The following CFAP418 variants were observed in gnomAD, a reference collection of about 807,000 sequenced individuals.
CFAP418 encodes cilia and flagella associated protein 418.
A neutral mutation model predicts 24.7 loss-of-function variants in CFAP418; 27 were observed. The ratio of observed to expected loss-of-function variants is 1.09; its 90% CI spans 0.81 to 1.51. The LOEUF (loss-of-function observed/expected upper bound fraction) is 1.51. Among genes scored for constraint, CFAP418 ranks in the 40% most tolerant of loss-of-function variants. The pLI, the probability that CFAP418 is intolerant of heterozygous loss-of-function variation, is 0.00. For synonymous variants in CFAP418, 74 were observed against 87.3 expected, an observed-to-expected ratio of 0.85 and a Z score of 0.85; for missense variants, 257 against 255.2, an observed-to-expected ratio of 1.01 and a Z score of -0.05.
chr8:95,263,596 A>T (rs1811926802), intron 2 of CFAP418, 91 bp downstream of exon 2: 2 of 715,280 alleles, frequency 2.8e-6, no homozygotes, highest in East Asian at 2.5e-5. Context: ...TCAAAAGATA[A>T]TGGGTAGCTA....
chr8:95,253,605 T>A (rs1811742484), intron 4 of CFAP418, among the ~76,000 whole-genome samples: 1 of 152,238 alleles, frequency 6.6e-6, no homozygotes, highest in Non-Finnish European at 1.5e-5. Context: ...TTTCTAAAAA[T>A]ACTATTAACC....
intron 1 of CFAP418, among the ~76,000 whole-genome samples, chr8:95,266,999 G>C (rs1563475426): frequency 6.6e-6 from 1 of 152,126 alleles, no homozygotes; most frequent in Non-Finnish European, 1.5e-5. Flanking sequence ...TGATAGACTA[G>C]TTCTATCCCC....
chr8:95,252,183 CA>C lies in CFAP418; in HGVS notation c.470+4del. The C allele has an allele frequency of 6.2e-7, 1 of 1,602,196 alleles. No individual in the cohort carries two copies. Among genetic ancestry groups the C allele is most frequent in the East Asian group, 2.2e-5 (1 of 44,780 alleles). On this transcript the variant is annotated splice_donor_region_variant and intron_variant, in intron 5 of 5. Coordinates refer to ENST00000286688, the MANE Select transcript of CFAP418 (RefSeq NM_177965.4). The stretch of plus-strand genomic sequence containing the variant: ...TTTTCAGAGTGAAGTTCTTTAGCAA[CA>C]TACCTGAAAAACAGATAATCACACG...
At chr8:95,263,603 G>T in intron 2 of CFAP418, 84 bp downstream of exon 2, 1 of 766,624 alleles carries the variant, frequency 1.3e-6, no homozygotes, top group Non-Finnish European at 2.2e-6. Flanking sequence ...ATAATGGGTA[G>T]CTACTTGTGT....
chr8:95,268,447 C>A lies in CFAP418; in HGVS notation c.155+588G>T, dbSNP rs547331615. Among the ~76,000 whole-genome samples, 4 of 152,140 alleles carry A rather than the reference C, an allele frequency of 2.6e-5. No individual in the cohort carries two copies. In the South Asian group the frequency reaches 8.3e-4, roughly 32 times the overall value. ...CTACGATCGTGCCACTGCACTCCAA[C>A]CTGGGCGACAGAGCGAGACTCCATC... On this transcript the variant is annotated intron_variant, in intron 1 of 5. Transcript: ENST00000286688.
At position 95,247,496 on chromosome 8, in the gene CFAP418, A is replaced by G. The variant is rs138046408; in HGVS notation, c.*121T>C. The G allele has an allele frequency of 5.6e-5, 65 of 1,159,516 alleles. No individual in the cohort carries two copies. In the African/African-American group the frequency reaches 7.6e-4, roughly 14 times the overall value. The allele number at this position is 1,159,516 out of a possible 1,614,324, so 71.8% of individuals were successfully genotyped here. On this transcript the variant is annotated 3_prime_UTR_variant, in exon 6 of 6. Coordinates refer to ENST00000286688, the MANE Select transcript of CFAP418 (RefSeq NM_177965.4). Reference sequence around the variant, plus strand: ...TTCAAAAATGTATGTAGTTGTATCAATAAAATTCACTGCCTTTTCCCACAG... The same window carrying G: ...TTCAAAAATGTATGTAGTTGTATCAGTAAAATTCACTGCCTTTTCCCACAG...
At chr8:95,258,209 C>T (rs1025590746) in intron 4 of CFAP418, among the ~76,000 whole-genome samples, 5 of 151,710 alleles carry the variant, frequency 3.3e-5, no homozygotes, top group African/African-American at 4.8e-5. Flanking sequence ...AGTGAAACCC[C>T]GTCTCTACTA....
At chr8:95,265,540 T>TTCCTTATATTTCC (rs1484057112) in intron 1 of CFAP418, among the ~76,000 whole-genome samples, 1 of 152,150 alleles carries the variant, frequency 6.6e-6, no homozygotes, top group Admixed American at 6.5e-5. Flanking sequence ...TGGGTACCAA[T>TTCCTTATATTTCC]TCCTTATATT....
intron 5 of CFAP418, among the ~76,000 whole-genome samples, chr8:95,248,340 C>CA: frequency 6.6e-6 from 1 of 152,230 alleles, no homozygotes; most frequent in Admixed American, 6.5e-5. Flanking sequence ...AACGCCCTAT[C>CA]AGAGATGAAA....
intron 5 of CFAP418, among the ~76,000 whole-genome samples, chr8:95,250,649 T>C (rs1021121925): frequency 6.6e-6 from 1 of 152,204 alleles, no homozygotes; most frequent in Non-Finnish European, 1.5e-5. Context: ...CAACCTGTAA[T>C]TAAAAGCCAA....
intron 5 of CFAP418, among the ~76,000 whole-genome samples, chr8:95,251,396 G>A (rs1203495179): frequency 2.0e-5 from 3 of 152,214 alleles, no homozygotes; most frequent in Admixed American, 6.5e-5. Flanking sequence ...GGGAATGGGA[G>A]CCTTGAGTAC....
intron 1 of CFAP418, among the ~76,000 whole-genome samples, chr8:95,267,432 T>C (rs1812008539): frequency 6.6e-6 from 1 of 152,136 alleles, no homozygotes; most frequent in African/African-American, 2.4e-5. Flanking sequence ...AAACCCCGTT[T>C]CTACCAGAAA....
rs762773528 is a variant in CFAP418, at chr8:95,252,293, G to GA, written c.375-11dup. On this transcript the variant is annotated splice_polypyrimidine_tract_variant and intron_variant, in intron 4 of 5. Coordinates refer to ENST00000286688, the MANE Select transcript of CFAP418 (RefSeq NM_177965.4). ...CAGATGGTCACATGCTCTGTTCAGA[G>GA]AAAAAAAATTGTATATTAAAGATTA... 2.0e-5 allele frequency: 32 copies of GA among 1,584,360 alleles called. No individual in the cohort carries two copies. The highest frequency in any genetic ancestry group is 3.4e-5 in the South Asian group (3 of 86,968).
intron 1 of CFAP418, among the ~76,000 whole-genome samples, chr8:95,266,122 G>A (rs1811975107): frequency 6.6e-6 from 1 of 152,200 alleles, no homozygotes; most frequent in African/African-American, 2.4e-5. Context: ...TTTGGTCAAT[G>A]AAATGGGGAT....
At chr8:95,251,511 G>A (rs1157030201) in intron 5 of CFAP418, among the ~76,000 whole-genome samples, 1 of 152,196 alleles carries the variant, frequency 6.6e-6, no homozygotes, top group South Asian at 2.1e-4. Flanking sequence ...TGAATGCCAT[G>A]CTAAGGAATT....
Position 95,247,227 on chromosome 8 carries a change from C to T in CFAP418, c.*390G>A, listed in dbSNP as rs760813490. 1.1e-4 allele frequency: 20 copies of T among 184,164 alleles called. No homozygotes were observed. Among genetic ancestry groups the T allele is most frequent in the Non-Finnish European group, 2.1e-4 (18 of 86,866 alleles). The allele number at this position is 184,164 out of a possible 1,614,324, so 11.4% of individuals were successfully genotyped here. A position where few individuals can be genotyped will look rare whatever the true frequency, so the allele number is the denominator to read the frequency against. On this transcript the variant is annotated 3_prime_UTR_variant, in exon 6 of 6. Coordinates refer to ENST00000286688, the MANE Select transcript of CFAP418 (RefSeq NM_177965.4). The stretch of plus-strand genomic sequence containing the variant: ...AGACACCCCTAAATGATCTCTTTGC[C>T]CTGGCCGGCTTTATCCACTTTAACT...
At chr8:95,257,286 G>C (rs1281792926) in intron 4 of CFAP418, among the ~76,000 whole-genome samples, 26 of 152,122 alleles carry the variant, frequency 1.7e-4, no homozygotes, top group Non-Finnish European at 4.4e-5. Flanking sequence ...TAATTTTTTT[G>C]TACAGAGAGT....
At chr8:95,250,785 C>T (rs989077201) in intron 5 of CFAP418, among the ~76,000 whole-genome samples, 1 of 152,012 alleles carries the variant, frequency 6.6e-6, no homozygotes, top group East Asian at 1.9e-4. Context: ...TATAATTTTT[C>T]CATGTATTTT....
chr8:95,259,123 T>C (rs1408198111), intron 4 of CFAP418, among the ~76,000 whole-genome samples: 6 of 152,158 alleles, frequency 3.9e-5, no homozygotes, highest in Non-Finnish European at 8.8e-5. Context: ...AGAAAATAAG[T>C]GTTTTAGAAA....
Sources: gnomAD v4.1 joint callset for allele counts (sites outside exome capture counted in the v4.1 genomes callset) on GRCh38, gnomAD v4.1.1 for gene constraint, MANE v1.5 for transcripts, NCBI Gene and HGNC (gene_info 2026-07-23, HGNC 2026-07-21) for gene names.